Variants in ZSWIM9 observed in about 807,000 individuals in gnomAD.
ZSWIM9 encodes zinc finger SWIM-type containing 9.
A neutral mutation model predicts 25.0 loss-of-function variants in ZSWIM9; 11 were observed. The observed-to-expected ratio is 0.44, with a 90% CI of 0.28 to 0.73. The LOEUF is 0.73. ZSWIM9 is among the 30% of genes least tolerant of loss of function. The pLI is 0.16. For missense variants in ZSWIM9, 1,070 were observed against 1,296.5 expected, an observed-to-expected ratio of 0.83 and a Z score of 2.68; for synonymous variants, 562 against 582.1, an observed-to-expected ratio of 0.97 and a Z score of 0.50.
In ZSWIM9 at chr19:48,196,295, G is replaced by C. The variant is rs1003757780; in HGVS notation, c.2231G>C (p.Arg744Pro). 2.4e-6 allele frequency: 3 copies of C among 1,233,790 alleles called. No homozygotes were observed. Among genetic ancestry groups the C allele is most frequent in the African/African-American group, 3.1e-5 (2 of 64,408 alleles). 76.4% of individuals were successfully genotyped at this position (1,233,790 alleles called of 1,614,324 possible). A position where few individuals can be genotyped will look rare whatever the true frequency, so the allele number is the denominator to read the frequency against. ...GCCCGGTCCGTGGGCCCCAAGAGCC[G>C]AGCCGGACGAGGGATGGAGTGGGGA... Reference protein sequence around the residue: ...GGARSVGPKSRAGRGMEWGDA... With the variant: ...GGARSVGPKSPAGRGMEWGDA... The change falls in exon 4 of 4, where the codon CGA (arginine) becomes CCA (proline). Residue 744 changes from arginine to proline, a missense_variant. By Grantham distance (103) the Arg-to-Pro change is moderately radical (BLOSUM62 -2). This residue lies in a region of ZSWIM9 where 583 missense variants were observed against 624.7 expected (regional missense o/e 0.93). Transcript: ENST00000614654.
Position 48,195,097 on chromosome 19 carries a change from C to T in ZSWIM9, c.1033C>T (p.Arg345Cys), listed in dbSNP as rs1371333068. Reference sequence around the variant, plus strand: ...CCGCGAGGACCCGGGCCTGTGGTCGCGCCTGTGCCGCCTGGCTGGCGCGTC... The same window carrying T: ...CCGCGAGGACCCGGGCCTGTGGTCGTGCCTGTGCCGCCTGGCTGGCGCGTC... The part of the protein sequence containing the change: ...AGREDPGLWS[R>C]LCRLAGASSP... The change falls in exon 4 of 4, where the codon CGC becomes TGC. Residue 345 changes from arginine (R) to cysteine (C), a missense_variant. Arg to Cys is a radical substitution (Grantham distance 180). Transcript: ENST00000614654. This position sits in a 1 kb window ranked among gnomAD's most constrained non-coding sequence, Gnocchi z 5.8. The T allele has an allele frequency of 1.1e-5, 16 of 1,450,444 alleles. No individual in the cohort carries two copies. The East Asian group carries it at 1.2e-4, about 11-fold the overall frequency. 89.8% of individuals were successfully genotyped at this position (1,450,444 alleles called of 1,614,324 possible).
chr19:48,197,450 A>T lies in ZSWIM9; in HGVS notation c.*623A>T. On this transcript the variant is annotated 3_prime_UTR_variant, in exon 4 of 4. Coordinates refer to ENST00000614654, the MANE Select transcript of ZSWIM9 (RefSeq NM_199341.4). ...TGTGTGGGAGACGGGTAGAGACGAA[A>T]TGCAAGGGGCGTGGTTTTGGTTTTT... 1.7e-6 allele frequency: 1 copy of T among 591,598 alleles called. No individual in the cohort carries two copies. Among genetic ancestry groups the T allele is most frequent in the South Asian group, 2.0e-5 (1 of 50,146 alleles). The allele number at this position is 591,598 out of a possible 1,614,324, so 36.6% of individuals were successfully genotyped here. A position where few individuals can be genotyped will look rare whatever the true frequency, so the allele number is the denominator to read the frequency against.
Position 48,196,694 on chromosome 19 carries a change from G to A in ZSWIM9, c.2630G>A (p.Arg877His). 1 of 1,233,008 alleles carries A rather than the reference G, an allele frequency of 8.1e-7. No homozygotes were observed. Among genetic ancestry groups the A allele is most frequent in the Non-Finnish European group, 1.0e-6 (1 of 988,660 alleles). The allele number at this position is 1,233,008 out of a possible 1,614,324, so 76.4% of individuals were successfully genotyped here. A position where few individuals can be genotyped will look rare whatever the true frequency, so the allele number is the denominator to read the frequency against. ...SDFFLDGALTRCSCSIHAARR... is the reference protein window; with the variant it reads ...SDFFLDGALTHCSCSIHAARR... ...TTCTTCCTGGATGGGGCCCTGACACGCTGCAGCTGCTCAATTCACGCCGCC... is the reference window on the plus strand; with the variant it reads ...TTCTTCCTGGATGGGGCCCTGACACACTGCAGCTGCTCAATTCACGCCGCC... The change falls in exon 4 of 4, where the codon CGC (arginine) becomes CAC (histidine). Residue 877 changes from arginine (R) to histidine (H), a missense_variant. Physicochemically the swap from Arg to His is conservative, Grantham distance 29 (BLOSUM62 0). Around this residue, in one of 4 missense-constraint regions of ZSWIM9, gnomAD observed 583 missense variants for 624.7 expected, o/e 0.93. Transcript: ENST00000614654.
intron 3 of ZSWIM9, among the ~76,000 whole-genome samples, chr19:48,190,092 AC>A (rs1369227373): frequency 1.3e-5 from 2 of 151,580 alleles, no homozygotes; most frequent in African/African-American, 4.9e-5. Context: ...AGTCCCAGCT[AC>A]TCGGGAGACT....
intron 3 of ZSWIM9, chr19:48,189,362 A>C (rs1599932636): frequency 1.3e-5 from 2 of 152,184 alleles, no homozygotes; most frequent in South Asian, 4.1e-4. Flanking sequence ...AGGTCAGGAG[A>C]TCAAGACCAT....
At position 48,171,361 on chromosome 19, in the gene ZSWIM9, TC is replaced by T. The variant is rs1331818393; in HGVS notation, c.-9-431del. 3 of 985,092 alleles carry T rather than the reference TC, an allele frequency of 3.0e-6. No individual in the cohort carries two copies. In the African/African-American group the frequency reaches 5.2e-5, roughly 17 times the overall value. The allele number at this position is 985,092 out of a possible 1,614,324, so 61.0% of individuals were successfully genotyped here. Reference sequence around the variant, plus strand: ...ACTGTTGGCACATGGAAGGAGGAGTTCCAGATGAATACGAGAGTTAGAAGTT... The same window carrying T: ...ACTGTTGGCACATGGAAGGAGGAGTTCAGATGAATACGAGAGTTAGAAGTT... On this transcript the variant is annotated intron_variant, in intron 1 of 3. Coordinates refer to ENST00000614654, the MANE Select transcript of ZSWIM9 (RefSeq NM_199341.4).
At chr19:48,172,871 C>T (rs1419288163) in intron 2 of ZSWIM9, among the ~76,000 whole-genome samples, 1 of 144,410 alleles carries the variant, frequency 6.9e-6, no homozygotes, top group East Asian at 2.2e-4. Flanking sequence ...ACACACACCC[C>T]AAGAGGAGAA....
intron 3 of ZSWIM9, among the ~76,000 whole-genome samples, chr19:48,190,283 T>C (rs2037078767): frequency 6.6e-6 from 1 of 151,986 alleles, no homozygotes; most frequent in East Asian, 1.9e-4. Context: ...AAGGAAAAAT[T>C]AGAGGGCGAG....
Position 48,195,974 on chromosome 19 carries a change from C to T in ZSWIM9, c.1910C>T (p.Ala637Val), listed in dbSNP as rs920051367. Residue 637 changes from alanine to valine, a missense_variant, in exon 4 of 4, where the codon GCA becomes GTA. Physicochemically the swap from Ala to Val is moderately conservative, Grantham distance 64 (BLOSUM62 0). This residue lies in a region of ZSWIM9 where 583 missense variants were observed against 624.7 expected (regional missense o/e 0.93). Coordinates refer to ENST00000614654, the MANE Select transcript of ZSWIM9 (RefSeq NM_199341.4). This position sits in a 1 kb window ranked among gnomAD's most constrained non-coding sequence, Gnocchi z 5.8. ...WRGAQLHDER[A>V]GGLRTAEWKG... ...GGGGCGCAGCTGCACGATGAAAGGG[C>T]AGGGGGACTGAGAACTGCAGAATGG... 2.5e-5 allele frequency: 32 copies of T among 1,304,868 alleles called. No individual in the cohort carries two copies. Among genetic ancestry groups the T allele is most frequent in the Admixed American group, 2.0e-4 (5 of 25,412 alleles). The allele number at this position is 1,304,868 out of a possible 1,614,324, so 80.8% of individuals were successfully genotyped here.
At chr19:48,186,670 T>G (rs1330617095) in intron 3 of ZSWIM9, 1 of 154,878 alleles carries the variant, frequency 6.5e-6, no homozygotes, top group Non-Finnish European at 1.5e-5. Flanking sequence ...TCGTTCTTCC[T>G]CTGGGGCTGG....
chr19:48,171,852 A>G lies in ZSWIM9; in HGVS notation c.50A>G (p.Gln17Arg). 2.0e-6 allele frequency: 3 copies of G among 1,534,988 alleles called. No homozygotes were observed. Among genetic ancestry groups the G allele is most frequent in the Non-Finnish European group, 1.7e-6 (2 of 1,146,490 alleles). ...PPGTAAGQEEQELRERAFFSW... is the reference protein window; with the variant it reads ...PPGTAAGQEERELRERAFFSW... Reference sequence around the variant, plus strand: ...GGCACGGCTGCGGGGCAGGAGGAGCAGGAGCTGCGGGAGCGGGCCTTCTTC... The same window carrying G: ...GGCACGGCTGCGGGGCAGGAGGAGCGGGAGCTGCGGGAGCGGGCCTTCTTC... The change falls in exon 2 of 4, where the codon CAG (glutamine) becomes CGG (arginine). Residue 17 changes from glutamine to arginine, a missense_variant. Gln to Arg is a conservative substitution (Grantham distance 43, BLOSUM62 1). Around this residue, in one of 4 missense-constraint regions of ZSWIM9, gnomAD observed 265 missense variants for 339.0 expected, o/e 0.78. Transcript: ENST00000614654.
At chr19:48,183,546 T>C (rs754381) in intron 3 of ZSWIM9, among the ~76,000 whole-genome samples, 46,919 of 151,524 alleles carry the variant, frequency 0.31, 8,424 homozygotes, top group East Asian at 0.6. Context: ...CTGACAAACA[T>C]GTCCAAATAT....
chr19:48,177,908 A>AT (rs974610600), intron 2 of ZSWIM9, among the ~76,000 whole-genome samples: 24 of 152,086 alleles, frequency 1.6e-4, no homozygotes, highest in African/African-American at 5.8e-4. Context: ...TTATTTTTGT[A>AT]TTTTTTGAGA....
rs1325472165 is a variant in ZSWIM9, at chr19:48,195,819, G to C, written c.1755G>C (p.Gln585His). ...YVWRGSQLEDQALRGLEGYTW... is the reference protein window; with the variant it reads ...YVWRGSQLEDHALRGLEGYTW... Reference sequence around the variant, plus strand: ...GGAGGGGGTCCCAGTTGGAGGACCAGGCGCTAAGAGGATTGGAAGGGTATA... The same window carrying C: ...GGAGGGGGTCCCAGTTGGAGGACCACGCGCTAAGAGGATTGGAAGGGTATA... The change falls in exon 4 of 4, where the codon CAG becomes CAC. Residue 585 changes from glutamine to histidine, a missense_variant. Transcript: ENST00000614654. This position sits in a 1 kb window ranked among gnomAD's most constrained non-coding sequence, Gnocchi z 5.8. 8 of 1,487,796 alleles carry C rather than the reference G, an allele frequency of 5.4e-6. No homozygotes were observed. The highest frequency in any genetic ancestry group is 7.1e-6 in the Non-Finnish European group (8 of 1,125,668). 92.2% of individuals were successfully genotyped at this position (1,487,796 alleles called of 1,614,324 possible).
chr19:48,181,806 T>C (rs2036951085), intron 2 of ZSWIM9: 1 of 152,380 alleles, frequency 6.6e-6, no homozygotes, highest in East Asian at 1.9e-4. Flanking sequence ...AGGGTTTTAA[T>C]TTGTTATGTC....
rs780490656 is a variant in ZSWIM9, at chr19:48,195,797, G to A, written c.1733G>A (p.Arg578Lys). 245 of 1,497,662 alleles carry A rather than the reference G, an allele frequency of 1.6e-4. No individual in the cohort carries two copies. Among genetic ancestry groups the A allele is most frequent in the Non-Finnish European group, 2.1e-4 (239 of 1,130,164 alleles). The allele number at this position is 1,497,662 out of a possible 1,614,324, so 92.8% of individuals were successfully genotyped here. A position where few individuals can be genotyped will look rare whatever the true frequency, so the allele number is the denominator to read the frequency against. The part of the protein sequence containing the change: ...KDWGLEGYVW[R>K]GSQLEDQALR... ...TGGGGACTGGAAGGTTATGTCTGGA[G>A]GGGGTCCCAGTTGGAGGACCAGGCG... Residue 578 changes from arginine to lysine, a missense_variant, in exon 4 of 4, where the codon AGG becomes AAG. By Grantham distance (26) the Arg-to-Lys change is conservative (BLOSUM62 2). Around this residue, in one of 4 missense-constraint regions of ZSWIM9, gnomAD observed 583 missense variants for 624.7 expected, o/e 0.93. Transcript: ENST00000614654. The surrounding 1 kb of genome is among the most constrained non-coding windows in gnomAD (Gnocchi z 5.8).
intron 1 of ZSWIM9, chr19:48,171,285 G>A: frequency 3.0e-6 from 3 of 985,332 alleles, no homozygotes; most frequent in Non-Finnish European, 2.4e-6. Context: ...TCCGTGGCCT[G>A]GATGTGGGAG....
rs1406647007 is a variant in ZSWIM9 at position 48,196,418 on chromosome 19, G to A, written c.2354G>A (p.Arg785Lys). Residue 785 changes from arginine to lysine, a missense_variant, in exon 4 of 4, where the codon AGG becomes AAG. Arg to Lys is a conservative substitution (Grantham distance 26, BLOSUM62 2). Transcript: ENST00000614654. The part of the protein sequence containing the change: ...LEGSPEWAAA[R>K]SEHLAAGDGL... ...GGCAGCCCAGAATGGGCAGCGGCGA[G>A]GAGTGAACACCTGGCTGCAGGTGAC... 8.1e-7 allele frequency: 1 copy of A among 1,232,582 alleles called. No individual in the cohort carries two copies. The highest frequency in any genetic ancestry group is 1.0e-6 in the Non-Finnish European group (1 of 988,324). 76.4% of individuals were successfully genotyped at this position (1,232,582 alleles called of 1,614,324 possible).
rs1568582289 is a variant in ZSWIM9, at chr19:48,192,448, T to TC, written c.589-2204dup. On this transcript the variant is annotated intron_variant, in intron 3 of 3. Transcript: ENST00000614654. ...CAGGGCGACAGAGTGAGACTCTGTCTCAAAAAAAAAAAAAAAAAAAAAAAA... is the reference window on the plus strand; with the variant it reads ...CAGGGCGACAGAGTGAGACTCTGTCTCCAAAAAAAAAAAAAAAAAAAAAAAA... 1.7e-3 allele frequency among the ~76,000 whole-genome samples: 27 copies of TC among 15,888 alleles called. 1 individual carries two copies. The highest frequency in any genetic ancestry group is 2.7e-3 in the Non-Finnish European group (26 of 9,650). 10.4% of individuals were successfully genotyped at this position (15,888 alleles called of 152,430 possible).
Sources: gnomAD v4.1 joint callset for allele counts (sites outside exome capture counted in the v4.1 genomes callset) on GRCh38, gnomAD v4.1.1 for gene constraint, gnomAD v4.1.1 regional missense constraint, Gnocchi (gnomAD v3.1) non-coding constraint, MANE v1.5 for transcripts, NCBI Gene and HGNC (gene_info 2026-07-23, HGNC 2026-07-21) for gene names.